Variants in CEP85L observed in about 807,000 individuals in gnomAD.
CEP85L encodes the protein centrosomal protein 85L.
In CEP85L, 60 loss-of-function variants were observed where a neutral mutation model predicts 100.3. The ratio of observed to expected loss-of-function variants is 0.60; its 90% confidence interval spans 0.49 to 0.74. CEP85L has a LOEUF of 0.74. Ranked by LOEUF, CEP85L falls within the 30% of genes least tolerant of loss-of-function variation. The pLI is 0.00. For synonymous variants in CEP85L, 319 were observed against 322.7 expected, an observed-to-expected ratio of 0.99 and a Z score of 0.12; for missense variants, 973 against 936.2, an observed-to-expected ratio of 1.04 and a Z score of -0.51.
At chr6:118,561,671 T>C (rs533497684) in intron 3 of CEP85L, among the ~76,000 whole-genome samples, 3 of 152,262 alleles carry the variant, frequency 2.0e-5, no homozygotes, top group South Asian at 4.1e-4. Context: ...ATTTGTTTAA[T>C]GCAAATCAGA....
At chr6:118,541,108 T>C (rs1409004930) in intron 3 of CEP85L, among the ~76,000 whole-genome samples, 3 of 152,208 alleles carry the variant, frequency 2.0e-5, no homozygotes, top group East Asian at 3.9e-4. Context: ...CAGATATCCA[T>C]AGTACCCTCA....
At chr6:118,543,301 G>C (rs190808539) in intron 3 of CEP85L, among the ~76,000 whole-genome samples, 2 of 152,266 alleles carry the variant, frequency 1.3e-5, no homozygotes, top group African/African-American at 4.8e-5. Context: ...CTAAGTTTCT[G>C]AGGGCCTTTA....
At chr6:118,651,753 T>G (rs1176973996), upstream of CEP85L, 5 of 986,310 alleles carry the variant, frequency 5.1e-6, no homozygotes, top group African/African-American at 7.0e-5. Flanking sequence ...TTCGCCTCCT[T>G]GGCGGCGACT....
intron 2 of CEP85L, among the ~76,000 whole-genome samples, chr6:118,620,371 T>C (rs1174501339): frequency 6.6e-6 from 1 of 152,110 alleles, no homozygotes; most frequent in East Asian, 1.9e-4. Context: ...ACCGCAGCCT[T>C]GGTCATGGCT....
At chr6:118,648,831 T>G (rs886273909) in intron 1 of CEP85L, among the ~76,000 whole-genome samples, 7 of 152,024 alleles carry the variant, frequency 4.6e-5, no homozygotes, top group Non-Finnish European at 8.8e-5. Context: ...AATAAACCAG[T>G]TTCAGGACAG....
chr6:118,587,497 G>A (rs955289685), intron 2 of CEP85L, among the ~76,000 whole-genome samples: 1 of 152,192 alleles, frequency 6.6e-6, no homozygotes, highest in African/African-American at 2.4e-5. Flanking sequence ...GCCCTAGTGG[G>A]GGGCTTTCAG....
intron 1 of CEP85L, among the ~76,000 whole-genome samples, chr6:118,706,465 T>G (rs1777596145): frequency 6.6e-6 from 1 of 152,226 alleles, no homozygotes; most frequent in South Asian, 2.1e-4. Flanking sequence ...TTTTTCTTTC[T>G]AGAATCTAGC....
At chr6:118,474,208 A>T (rs1201426031) in intron 10 of CEP85L, among the ~76,000 whole-genome samples, 1 of 152,226 alleles carries the variant, frequency 6.6e-6, no homozygotes, top group Non-Finnish European at 1.5e-5. Context: ...AAACTCAGTA[A>T]GAAGAGTAAG....
rs372337148 is a variant in CEP85L at position 118,700,136 on chromosome 6, A to G, written c.-28+9900T>C. On this transcript the variant is annotated intron_variant, in intron 1 of 13. Coordinates refer to the CEP85L transcript ENST00000368488. ...ATTCTCTTTTTACCCCAGCACATGA[A>G]AACCACCAAAATGCCTTTTAAGATA... Among the ~76,000 whole-genome samples the G allele has an allele frequency of 1.8e-4, 28 of 152,288 alleles. No homozygotes were observed. The East Asian group carries it at 2.3e-3, about 13-fold the overall frequency.
chr6:118,525,463 G>C (rs1776911152), intron 3 of CEP85L, among the ~76,000 whole-genome samples: 1 of 152,134 alleles, frequency 6.6e-6, no homozygotes, highest in South Asian at 2.1e-4. Flanking sequence ...CTTAAGGTAA[G>C]GCCTAATTCA....
In CEP85L at chr6:118,496,127, C is replaced by T. The variant is rs113011662; in HGVS notation, c.1258-4262G>A. On this transcript the variant is annotated intron_variant, in intron 5 of 12. Coordinates refer to ENST00000368491, the MANE Select transcript of CEP85L (RefSeq NM_001042475.3). ...CACAACTTGGGTCAGATGGTCACTTCTGCATGTGACTCCACACATTGTGTC... is the reference window on the plus strand; with the variant it reads ...CACAACTTGGGTCAGATGGTCACTTTTGCATGTGACTCCACACATTGTGTC... Among the ~76,000 whole-genome samples, 20 of 152,306 alleles carry T rather than the reference C, an allele frequency of 1.3e-4. 1 individual carries two copies. The highest frequency in any genetic ancestry group is 4.8e-4 in the African/African-American group (20 of 41,578).
intron 3 of CEP85L, among the ~76,000 whole-genome samples, chr6:118,540,475 G>A (rs1562243231): frequency 2.0e-5 from 3 of 152,010 alleles, no homozygotes; most frequent in East Asian, 3.9e-4. Flanking sequence ...CATGCTTTCT[G>A]GCCGGGCACA....
chr6:118,468,441 C>T (rs534160225), intron 12 of CEP85L, among the ~76,000 whole-genome samples: 4 of 152,250 alleles, frequency 2.6e-5, no homozygotes, highest in South Asian at 4.1e-4. Flanking sequence ...GAACCACGTA[C>T]AGAGATGAGC....
chr6:118,675,242 T>C (rs1776446919), intron 1 of CEP85L, among the ~76,000 whole-genome samples: 1 of 152,144 alleles, frequency 6.6e-6, no homozygotes, highest in Non-Finnish European at 1.5e-5. Context: ...ATTTTATGAT[T>C]CCACATAAAA....
chr6:118,484,012 TTC>T (rs778745376), intron 6 of CEP85L, among the ~76,000 whole-genome samples, 154 bp from the exon 7 acceptor site: 178 of 152,170 alleles, frequency 1.2e-3, no homozygotes, highest in Non-Finnish European at 2.0e-3. Flanking sequence ...CCTTATTTCA[TTC>T]TAAGATTTAC....
In CEP85L at chr6:118,600,367, GTGT is replaced by G. The variant is rs1562298147; in HGVS notation, c.232+32083_232+32085del. 6.3e-3 allele frequency among the ~76,000 whole-genome samples: 805 copies of G among 127,036 alleles called. 138 individuals are homozygous for G. Among genetic ancestry groups the G allele is most frequent in the African/African-American group, 0.016 (542 of 34,256 alleles). The allele number at this position is 127,036 out of a possible 152,430, so 83.3% of individuals were successfully genotyped here. A position where few individuals can be genotyped will look rare whatever the true frequency, so the allele number is the denominator to read the frequency against. On this transcript the variant is annotated intron_variant, in intron 2 of 12. Coordinates refer to ENST00000368491, the MANE Select transcript of CEP85L (RefSeq NM_001042475.3). ...TGTGTGTGTGTGTGTGTGTGTGTGT[GTGT>G]AACGCCATGGAGCAATCTCAGCTCA...
chr6:118,659,910 A>G (rs558089910), intron 1 of CEP85L, among the ~76,000 whole-genome samples: 6 of 152,392 alleles, frequency 3.9e-5, no homozygotes, highest in Non-Finnish European at 7.3e-5. Flanking sequence ...AAATTAGAGC[A>G]TAGATGAGCA....
intron 2 of CEP85L, among the ~76,000 whole-genome samples, chr6:118,608,216 C>T (rs1189177506): frequency 1.3e-5 from 2 of 152,138 alleles, no homozygotes; most frequent in Non-Finnish European, 2.9e-5. Context: ...AACATTTCTG[C>T]TGGGCACGGT....
chr6:118,629,081 A>G (rs577732057), intron 2 of CEP85L, among the ~76,000 whole-genome samples: 136 of 152,332 alleles, frequency 8.9e-4, no homozygotes, highest in African/African-American at 3.2e-3. Context: ...TATGGCAACT[A>G]TTTACACAGC....
Sources: gnomAD v4.1 joint callset for allele counts (sites outside exome capture counted in the v4.1 genomes callset) on GRCh38, gnomAD v4.1.1 for gene constraint, MANE v1.5 for transcripts, NCBI Gene and HGNC (gene_info 2026-07-23, HGNC 2026-07-21) for gene names.